The following DDC variants were observed in gnomAD, a reference collection of about 807,000 sequenced individuals.
The protein encoded by DDC is dopa decarboxylase, also known as aromatic-L-amino-acid decarboxylase.
In DDC, 43 loss-of-function variants were observed where a neutral mutation model predicts 60.0. The ratio of observed to expected loss-of-function variants is 0.72; its 90% CI spans 0.56 to 0.92. The LOEUF (loss-of-function observed/expected upper bound fraction) is 0.92, where lower values mean the gene tolerates loss of function less well. DDC is among the 40% of genes least tolerant of loss of function. The pLI is 0.00. For missense variants in DDC, 573 were observed against 620.2 expected (o/e 0.92, Z 0.81); for synonymous variants, 232 against 234.6 (o/e 0.99, Z 0.10).
intron 1 of DDC, among the ~76,000 whole-genome samples, chr7:50,556,032 C>T (rs1051588453): frequency 6.6e-6 from 1 of 152,202 alleles, no homozygotes; most frequent in Admixed American, 6.5e-5. Flanking sequence ...TTCCCGAATG[C>T]CTACTGAGGA....
chr7:50,516,605 A>C (rs565747540), intron 6 of DDC, among the ~76,000 whole-genome samples: 63 of 120,178 alleles, frequency 5.2e-4, no homozygotes, highest in African/African-American at 9.6e-4. Flanking sequence ...AAATTGAAAC[A>C]AAAAAAAAAT....
intron 4 of DDC, among the ~76,000 whole-genome samples, chr7:50,530,678 T>A (rs1321207420): frequency 6.6e-6 from 1 of 151,912 alleles, no homozygotes; most frequent in Non-Finnish European, 1.5e-5. Context: ...TAGGGTGCCA[T>A]GGGCCTAGAA....
At chr7:50,557,002 A>T (rs1029919476) in intron 1 of DDC, among the ~76,000 whole-genome samples, 9 of 152,346 alleles carry the variant, frequency 5.9e-5, no homozygotes, top group African/African-American at 2.2e-4. Context: ...CCGCAAGCTC[A>T]TGCAGGCAGA....
chr7:50,502,303 AC>A (rs2043278492), intron 7 of DDC, among the ~76,000 whole-genome samples: 1 of 152,074 alleles, frequency 6.6e-6, no homozygotes, highest in Non-Finnish European at 1.5e-5. Flanking sequence ...CATCCAGGGG[AC>A]TGTGACTGGC....
intron 6 of DDC, among the ~76,000 whole-genome samples, chr7:50,526,949 A>G (rs1241717322): frequency 6.6e-6 from 1 of 152,214 alleles, no homozygotes; most frequent in Non-Finnish European, 1.5e-5. Context: ...CCAAATTAAT[A>G]TGCTTCAAAA....
At chr7:50,495,228 A>C in intron 9 of DDC, 122 bp downstream of exon 9, 1 of 755,020 alleles carries the variant, frequency 1.3e-6, no homozygotes, top group Admixed American at 1.9e-5. Context: ...AAGGGTTCAG[A>C]AAAGGCAGCA....
chr7:50,529,415 A>G (rs1161687105), intron 4 of DDC, 73 bp from the exon 5 acceptor site: 5 of 1,561,638 alleles, frequency 3.2e-6, no homozygotes, highest in South Asian at 2.2e-5. Context: ...ATTGGAAGAC[A>G]TATTGTTTTG....
At chr7:50,547,155 T>C (rs1201439201) in intron 1 of DDC, among the ~76,000 whole-genome samples, 1 of 152,208 alleles carries the variant, frequency 6.6e-6, no homozygotes, top group Non-Finnish European at 1.5e-5. Flanking sequence ...TAGCCTGTTT[T>C]TCTTTACTAA....
At chr7:50,544,655 C>A (rs1455793276) in intron 1 of DDC, among the ~76,000 whole-genome samples, 1 of 152,164 alleles carries the variant, frequency 6.6e-6, no homozygotes, top group Non-Finnish European at 1.5e-5. Context: ...GGAACTGCAC[C>A]TTTACGCACC....
At chr7:50,516,002 A>G (rs2043717748) in intron 6 of DDC, among the ~76,000 whole-genome samples, 1 of 152,250 alleles carries the variant, frequency 6.6e-6, no homozygotes, top group Non-Finnish European at 1.5e-5. Flanking sequence ...CTCCACTGAC[A>G]GCACTAGACA....
intron 13 of DDC, among the ~76,000 whole-genome samples, chr7:50,464,358 A>G (rs754056392): frequency 2.6e-5 from 4 of 152,192 alleles, no homozygotes; most frequent in Non-Finnish European, 4.4e-5. Context: ...GCCTCTAGCT[A>G]TGGGCCTGAG....
rs747680433 is a variant in DDC at position 50,492,886 on chromosome 7, G to A, written c.944+2464C>T. ...CATCAGCTCTGCAGCGTCTGCGGCAGCCTCGGGGCATCAGCTCTGCGGCAG... is the reference window on the plus strand; with the variant it reads ...CATCAGCTCTGCAGCGTCTGCGGCAACCTCGGGGCATCAGCTCTGCGGCAG... On this transcript the variant is annotated intron_variant, in intron 9 of 14. Coordinates refer to ENST00000444124, the MANE Select transcript of DDC (RefSeq NM_001082971.2). The A allele has an allele frequency of 2.5e-6, 4 of 1,589,728 alleles. No individual in the cohort carries two copies. The South Asian group carries it at 3.4e-5, about 13-fold the overall frequency.
In DDC at chr7:50,494,815, C is replaced by T. The variant is rs571850961; in HGVS notation, c.944+535G>A. Among the ~76,000 whole-genome samples, 129 of 152,090 alleles carry T rather than the reference C, an allele frequency of 8.5e-4. 1 individual carries two copies. Among genetic ancestry groups the T allele is most frequent in the South Asian group, 2.7e-3 (13 of 4,804 alleles). On this transcript the variant is annotated intron_variant, in intron 9 of 14. Coordinates refer to ENST00000444124, the MANE Select transcript of DDC (RefSeq NM_001082971.2). ...TAGCTGGGATTACAGGCATGCACTA[C>T]CACACCCAGCTAATTTTTTGTATTT... is the stretch of plus-strand genomic sequence containing the variant.
chr7:50,476,996 G>T (rs768349697), intron 10 of DDC, among the ~76,000 whole-genome samples: 1 of 152,156 alleles, frequency 6.6e-6, no homozygotes, highest in East Asian at 1.9e-4. Context: ...ATTCATTCAT[G>T]CATGGGAAGG....
intron 4 of DDC, among the ~76,000 whole-genome samples, chr7:50,532,653 CAT>C (rs2044254586): frequency 6.6e-6 from 1 of 152,188 alleles, no homozygotes; most frequent in Non-Finnish European, 1.5e-5. Context: ...AAGCACAAGA[CAT>C]AGGCTAAAAC....
chr7:50,475,545 TG>T (rs1159109005), intron 11 of DDC, among the ~76,000 whole-genome samples: 1 of 152,132 alleles, frequency 6.6e-6, no homozygotes, highest in Non-Finnish European at 1.5e-5. Flanking sequence ...AAGCTACCCA[TG>T]CCTTTGAGGG....
chr7:50,482,796 T>A (rs896413620), intron 9 of DDC, among the ~76,000 whole-genome samples: 6 of 152,210 alleles, frequency 3.9e-5, no homozygotes, highest in African/African-American at 1.4e-4. Flanking sequence ...CTTGCTATTA[T>A]AAAGAGTGTT....
chr7:50,551,936 AG>A (rs1484673978), intron 1 of DDC, among the ~76,000 whole-genome samples: 1 of 152,090 alleles, frequency 6.6e-6, no homozygotes, highest in Admixed American at 6.5e-5. Context: ...AAGACTCAGA[AG>A]GGGTAGCTGG....
At chr7:50,543,776 C>T in intron 2 of DDC, 109 bp downstream of exon 2, 1 of 1,123,272 alleles carries the variant, frequency 8.9e-7, no homozygotes, top group South Asian at 1.3e-5. Flanking sequence ...TCTCTCCAAC[C>T]TGACTGCCAT....
Sources: allele counts gnomAD v4.1 joint callset (sites outside exome capture counted in the v4.1 genomes callset), GRCh38; gene constraint gnomAD v4.1.1; transcripts MANE v1.5; gene names NCBI Gene and HGNC (gene_info 2026-07-23, HGNC 2026-07-21).